The following ROR2 variants were observed in gnomAD, a reference collection of about 807,000 sequenced individuals.
ROR2 encodes tyrosine-protein kinase transmembrane receptor ROR2.
ROR2 carries 33 observed loss-of-function variants against 74.9 expected under a neutral mutation model. That is an observed-to-expected ratio of 0.44 (90% confidence interval 0.33 to 0.59). The LOEUF is 0.59. ROR2 is among the 20% of genes least tolerant of loss of function. The pLI, the probability that ROR2 is intolerant of heterozygous loss-of-function variation, is 0.02. For synonymous variants in ROR2, 586 were observed against 558.7 expected (o/e 1.05, Z -0.69); for missense variants, 1,216 against 1,313.8 (o/e 0.93, Z 1.15).
At chr9:91,853,770 A>C (rs991009160) in intron 1 of ROR2, among the ~76,000 whole-genome samples, 2 of 152,198 alleles carry the variant, frequency 1.3e-5, no homozygotes, top group African/African-American at 4.8e-5. Context: ...GAGTTGGTCA[A>C]ATTTTCATGC....
chr9:91,726,489 G>T lies in ROR2; in HGVS notation c.1386+52C>A, dbSNP rs1837038430. 5 of 1,506,120 alleles carry T rather than the reference G, an allele frequency of 3.3e-6. No individual in the cohort carries two copies. In the East Asian group the frequency reaches 1.1e-4, roughly 34 times the overall value. 93.3% of individuals were successfully genotyped at this position (1,506,120 alleles called of 1,614,324 possible). On this transcript the variant is annotated intron_variant, in intron 8 of 8. Transcript: ENST00000375708. Reference sequence around the variant, plus strand: ...TTTAATGTTGGGGGAAACAACCCCTGAGGATTAAACCTGGAAGAGCCACCC... The same window carrying T: ...TTTAATGTTGGGGGAAACAACCCCTTAGGATTAAACCTGGAAGAGCCACCC...
At chr9:91,926,336 T>TC (rs1470028332) in intron 1 of ROR2, among the ~76,000 whole-genome samples, 1 of 150,830 alleles carries the variant, frequency 6.6e-6, no homozygotes, top group Non-Finnish European at 1.5e-5. Flanking sequence ...TGAGCCAAGA[T>TC]CATGCCACTG....
rs956723196 is a variant in ROR2, at chr9:91,871,359, A to G, written c.97+78508T>C. The stretch of plus-strand genomic sequence containing the variant: ...TCATCTTGCCATGGATTGGCATGAT[A>G]TATCACACAGCATGTGCTAGATAAA... On this transcript the variant is annotated intron_variant, in intron 1 of 8. Coordinates refer to ENST00000375708, the MANE Select transcript of ROR2 (RefSeq NM_004560.4). Among the ~76,000 whole-genome samples the G allele has an allele frequency of 3.9e-5, 6 of 152,244 alleles. No homozygotes were observed. The South Asian group carries it at 1.0e-3, about 26-fold the overall frequency.
At chr9:91,725,671 G>T (rs1373294266) in intron 8 of ROR2, among the ~76,000 whole-genome samples, 1 of 152,172 alleles carries the variant, frequency 6.6e-6, no homozygotes, top group Admixed American at 6.5e-5. Flanking sequence ...CTTGACTAGG[G>T]TCTCTGTTAA....
intron 1 of ROR2, among the ~76,000 whole-genome samples, chr9:91,810,042 C>T (rs1267650651): frequency 1.3e-5 from 2 of 152,284 alleles, no homozygotes; most frequent in African/African-American, 4.8e-5. Context: ...CCACGCCACA[C>T]ATGACCCCCA....
intron 1 of ROR2, among the ~76,000 whole-genome samples, chr9:91,788,848 G>A (rs561716243): frequency 4.9e-5 from 7 of 143,894 alleles, no homozygotes; most frequent in East Asian, 2.1e-4. Context: ...GTGACAGAGC[G>A]AGACTCTGTC....
At chr9:91,865,009 T>C (rs1384607566) in intron 1 of ROR2, among the ~76,000 whole-genome samples, 1 of 152,240 alleles carries the variant, frequency 6.6e-6, no homozygotes, top group African/African-American at 2.4e-5. Context: ...GGAAGTTTTA[T>C]ACTTTGCAAA....
chr9:91,819,099 G>A (rs937459509), intron 1 of ROR2, among the ~76,000 whole-genome samples: 2 of 152,172 alleles, frequency 1.3e-5, no homozygotes, highest in East Asian at 1.9e-4. Flanking sequence ...GAGGGAAATG[G>A]CCACAGTGGC....
intron 1 of ROR2, among the ~76,000 whole-genome samples, chr9:91,798,459 A>C: frequency 1.1e-5 from 1 of 95,234 alleles, no homozygotes; most frequent in Non-Finnish European, 1.9e-5. Context: ...CGGGGCTGAC[A>C]CCCTGGGCTC....
chr9:91,740,591 CAT>C (rs1275329137), intron 4 of ROR2, among the ~76,000 whole-genome samples: 1 of 146,486 alleles, frequency 6.8e-6, no homozygotes, highest in Non-Finnish European at 1.5e-5. Flanking sequence ...TATATATATA[CAT>C]ATATATATCC....
intron 1 of ROR2, among the ~76,000 whole-genome samples, chr9:91,881,082 G>A (rs909700948): frequency 2.6e-5 from 4 of 152,184 alleles, no homozygotes; most frequent in Non-Finnish European, 5.9e-5. Flanking sequence ...TGGCTAGAGG[G>A]GGGAGAAGGA....
intron 2 of ROR2, among the ~76,000 whole-genome samples, chr9:91,770,424 C>G (rs1826191737): frequency 6.6e-6 from 1 of 152,198 alleles, no homozygotes; most frequent in South Asian, 2.1e-4. Context: ...CAGGGTGCCT[C>G]TCACATTCTG....
intron 4 of ROR2, among the ~76,000 whole-genome samples, chr9:91,755,296 C>T (rs1390145007): frequency 6.6e-6 from 1 of 152,216 alleles, no homozygotes; most frequent in East Asian, 1.9e-4. Context: ...AAACAGAAAT[C>T]AGCCAACACT....
intron 1 of ROR2, among the ~76,000 whole-genome samples, chr9:91,853,304 C>T (rs78044446): frequency 8.5e-5 from 13 of 152,092 alleles, no homozygotes; most frequent in Admixed American, 7.2e-4. Flanking sequence ...GAAAGGTGAC[C>T]GTGCTGTGAA....
intron 1 of ROR2, among the ~76,000 whole-genome samples, chr9:91,790,379 G>A (rs561241382): frequency 2.8e-4 from 42 of 151,698 alleles, no homozygotes; most frequent in African/African-American, 8.2e-4. Context: ...GTGTGGTGGC[G>A]AAAGCCTGTA....
At chr9:91,738,905 C>G (rs1372547613) in intron 4 of ROR2, among the ~76,000 whole-genome samples, 2 of 152,188 alleles carry the variant, frequency 1.3e-5, no homozygotes, top group African/African-American at 4.8e-5. Context: ...GAATTATTTT[C>G]TGCAGAAACT....
rs2118704764 is a variant in ROR2 at position 91,733,588 on chromosome 9, C to T, written c.623-152G>A. Reference sequence around the variant, plus strand: ...AGACTCCCCAACCCCGAGCCCCGCACACCACCCTGGAGAGGCTCCCCACCA... The same window carrying T: ...AGACTCCCCAACCCCGAGCCCCGCATACCACCCTGGAGAGGCTCCCCACCA... On this transcript the variant is annotated intron_variant, in intron 5 of 8. Coordinates refer to ENST00000375708, the MANE Select transcript of ROR2 (RefSeq NM_004560.4). The surrounding 1 kb of genome is among the most constrained non-coding windows in gnomAD (Gnocchi z 5.7). The T allele has an allele frequency of 1.2e-6, 1 of 826,456 alleles. No individual in the cohort carries two copies. The highest frequency in any genetic ancestry group is 2.3e-5 in the Admixed American group (1 of 43,304). 51.2% of individuals were successfully genotyped at this position (826,456 alleles called of 1,614,324 possible).
At chr9:91,904,669 A>C (rs1382361363) in intron 1 of ROR2, among the ~76,000 whole-genome samples, 1 of 152,116 alleles carries the variant, frequency 6.6e-6, no homozygotes, top group African/African-American at 2.4e-5. Context: ...GACACACAGG[A>C]TGTCCCTTCC....
At chr9:91,875,888 C>T (rs1829942237) in intron 1 of ROR2, among the ~76,000 whole-genome samples, 1 of 151,996 alleles carries the variant, frequency 6.6e-6, no homozygotes, top group African/African-American at 2.4e-5. Context: ...CTGGAAACAC[C>T]AGGTTCATCA....
Sources: gnomAD v4.1 joint callset for allele counts (sites outside exome capture counted in the v4.1 genomes callset) on GRCh38, gnomAD v4.1.1 for gene constraint, Gnocchi (gnomAD v3.1) non-coding constraint, MANE v1.5 for transcripts, NCBI Gene and HGNC (gene_info 2026-07-23, HGNC 2026-07-21) for gene names.